ACOT7: variants seen among roughly 807,000 people sequenced by gnomAD.
ACOT7 encodes acyl-CoA thioesterase 7, also known as cytosolic acyl coenzyme A thioester hydrolase.
A neutral mutation model predicts 40.2 loss-of-function variants in ACOT7; 12 were observed. The observed-to-expected ratio is 0.30, with a 90% CI of 0.19 to 0.48. The LOEUF is 0.48. Among genes scored for constraint, ACOT7 ranks in the 20% least tolerant of loss-of-function variants. The pLI, the probability that ACOT7 is intolerant of heterozygous loss-of-function variation, is 0.99. For missense variants in ACOT7, 395 were observed against 530.8 expected (o/e 0.74, Z 2.51); for synonymous variants, 228 against 219.5 (o/e 1.04, Z -0.34).
intron 1 of ACOT7, among the ~76,000 whole-genome samples, chr1:6,362,077 T>C (rs939494924): frequency 3.3e-5 from 5 of 152,234 alleles, no homozygotes; most frequent in Admixed American, 6.5e-5. Context: ...GTCTGGTTTC[T>C]ACTTTTCTGG....
At chr1:6,309,318 G>T (rs1036648585) in intron 6 of ACOT7, among the ~76,000 whole-genome samples, 1 of 152,208 alleles carries the variant, frequency 6.6e-6, no homozygotes, top group South Asian at 2.1e-4. Context: ...TAAAGACTTG[G>T]ATTTGGGGGA....
chr1:6,325,126 C>G (rs1039755757), intron 5 of ACOT7, among the ~76,000 whole-genome samples: 1 of 152,236 alleles, frequency 6.6e-6, no homozygotes, highest in Non-Finnish European at 1.5e-5. Flanking sequence ...CAGCCGGGCG[C>G]AGTGGCTCAC....
intron 7 of ACOT7, among the ~76,000 whole-genome samples, chr1:6,291,757 G>A (rs1307893665): frequency 1.3e-5 from 2 of 151,992 alleles, no homozygotes; most frequent in Non-Finnish European, 2.9e-5. Context: ...GGTGTACAGC[G>A]GCCCCAGCAG....
At position 6,313,838 on chromosome 1, in the gene ACOT7, T is replaced by C. The variant is rs562009486; in HGVS notation, c.712+4654A>G. On this transcript the variant is annotated intron_variant, in intron 6 of 8. Coordinates refer to ENST00000361521, the MANE Select transcript of ACOT7 (RefSeq NM_007274.4). ...AAAAAAAAAAAGAAAAAGTCCTCTC[T>C]CTTGTTGAAGCCAAGCTGTCTGGGT... 5.9e-5 allele frequency among the ~76,000 whole-genome samples: 9 copies of C among 152,120 alleles called. No homozygotes were observed. In the East Asian group the frequency reaches 7.7e-4, roughly 13 times the overall value.
chr1:6,322,759 T>A (rs1171599213), intron 5 of ACOT7, among the ~76,000 whole-genome samples: 1 of 152,270 alleles, frequency 6.6e-6, no homozygotes, highest in African/African-American at 2.4e-5. Flanking sequence ...TCTGAGGGAC[T>A]CAGGGTCAGG....
intron 2 of ACOT7, among the ~76,000 whole-genome samples, chr1:6,349,460 G>C (rs1641524680): frequency 6.6e-6 from 1 of 152,246 alleles, no homozygotes; most frequent in African/African-American, 2.4e-5. Context: ...TTCTGATCAG[G>C]GCCAGGTTGG....
At position 6,338,884 on chromosome 1, in the gene ACOT7, C is replaced by T. The variant is rs927103215; in HGVS notation, c.418+549G>A. On this transcript the variant is annotated intron_variant, in intron 3 of 8. Coordinates refer to ENST00000361521, the MANE Select transcript of ACOT7 (RefSeq NM_007274.4). The surrounding 1 kb of genome is among the most constrained non-coding windows in gnomAD (Gnocchi z 4.4). ...TGGAGCCGCCCCCTCCTGCAGCGCC[C>T]AGTGGGAAGGGGAAGGGGGTTTCCA... is the stretch of plus-strand genomic sequence containing the variant. Among the ~76,000 whole-genome samples, 3 of 152,152 alleles carry T rather than the reference C, an allele frequency of 2.0e-5. No homozygotes were observed. Among genetic ancestry groups the T allele is most frequent in the African/African-American group, 7.2e-5 (3 of 41,440 alleles).
At position 6,299,893 on chromosome 1, in the gene ACOT7, C is replaced by T. The variant is rs941713877; in HGVS notation, c.713-4913G>A. ...ATTTCCCACAGACCAACTCTAAATA[C>T]TGCCCTGGGCAGCCAACAGAAGCTC... On this transcript the variant is annotated intron_variant, in intron 6 of 8. Transcript: ENST00000361521. The surrounding 1 kb of genome is among the most constrained non-coding windows in gnomAD (Gnocchi z 4.1). Among the ~76,000 whole-genome samples, 6 of 152,220 alleles carry T rather than the reference C, an allele frequency of 3.9e-5. No individual in the cohort carries two copies. The highest frequency in any genetic ancestry group is 7.3e-5 in the Non-Finnish European group (5 of 68,036).
intron 1 of ACOT7, among the ~76,000 whole-genome samples, chr1:6,364,088 A>C (rs112069888): frequency 0.08 from 12,181 of 152,164 alleles, 534 homozygotes; most frequent in Non-Finnish European, 0.097. Context: ...GCAGTGACTC[A>C]CACCTGTAAT....
intron 8 of ACOT7, among the ~76,000 whole-genome samples, chr1:6,267,108 C>T (rs1319922625): frequency 6.6e-6 from 1 of 152,158 alleles, no homozygotes. Context: ...TCCTTGAAAG[C>T]AGGAGAGAGC....
intron 6 of ACOT7, among the ~76,000 whole-genome samples, chr1:6,308,909 G>A (rs192409238): frequency 1.5e-4 from 23 of 152,318 alleles, no homozygotes; most frequent in Admixed American, 1.3e-3. Context: ...CATAGCTGGC[G>A]CAGTCAGTGG....
intron 2 of ACOT7, among the ~76,000 whole-genome samples, chr1:6,342,269 A>G (rs1170340808): frequency 3.3e-5 from 5 of 152,064 alleles, no homozygotes; most frequent in African/African-American, 1.2e-4. Flanking sequence ...TCATGAAGAC[A>G]TTGATCTCAT....
At chr1:6,340,132 AT>A (rs1004826394) in intron 2 of ACOT7, among the ~76,000 whole-genome samples, 3 of 151,806 alleles carry the variant, frequency 2.0e-5, no homozygotes, top group Non-Finnish European at 4.4e-5. Context: ...TGCCCGGCTA[AT>A]TTTTTTGTAT....
rs1639154590 is a variant in ACOT7 at position 6,275,238 on chromosome 1, C to T, written c.1014+5864G>A. Among the ~76,000 whole-genome samples, 1 of 152,250 alleles carries T rather than the reference C, an allele frequency of 6.6e-6. No individual in the cohort carries two copies. The highest frequency in any genetic ancestry group is 6.5e-5 in the Admixed American group (1 of 15,286). On this transcript the variant is annotated intron_variant, in intron 8 of 8. Coordinates refer to ENST00000361521, the MANE Select transcript of ACOT7 (RefSeq NM_007274.4). The surrounding 1 kb of genome is among the most constrained non-coding windows in gnomAD (Gnocchi z 5.6). The stretch of plus-strand genomic sequence containing the variant: ...CAGCCTCTGCATCCAGCTGCCCTGG[C>T]TTCCTAACCAGAAAACAAACCTGCT...
At chr1:6,329,080 T>A (rs2148432916) in intron 4 of ACOT7, among the ~76,000 whole-genome samples, 1 of 152,392 alleles carries the variant, frequency 6.6e-6, no homozygotes, top group Middle Eastern at 3.4e-3. Context: ...CTCGGCCGCC[T>A]GTTGAAGCCC....
At chr1:6,332,286 T>A (rs116042057) in intron 4 of ACOT7, among the ~76,000 whole-genome samples, 4,185 of 152,306 alleles carry the variant, frequency 0.027, 205 homozygotes, top group African/African-American at 0.095. Context: ...CTGGGGGCTG[T>A]GGCCTGTGGA....
chr1:6,269,148 T>G (rs1028016020), intron 8 of ACOT7, among the ~76,000 whole-genome samples: 5 of 152,346 alleles, frequency 3.3e-5, no homozygotes, highest in Admixed American at 1.3e-4. Context: ...ACAGACAGGC[T>G]GAGTAACTTG....
chr1:6,363,277 G>A (rs1010256225), intron 1 of ACOT7, among the ~76,000 whole-genome samples: 2 of 152,180 alleles, frequency 1.3e-5, no homozygotes, highest in Non-Finnish European at 2.9e-5. Flanking sequence ...GAAGACGCCC[G>A]TTGCCAGGCA....
intron 1 of ACOT7, among the ~76,000 whole-genome samples, chr1:6,367,086 C>A (rs190650216): frequency 6.6e-6 from 1 of 151,840 alleles, no homozygotes; most frequent in Admixed American, 6.6e-5. Flanking sequence ...GTAGTCCCAG[C>A]TACTCGGGAG....
Sources: allele counts gnomAD v4.1 joint callset (sites outside exome capture counted in the v4.1 genomes callset), GRCh38; gene constraint gnomAD v4.1.1; non-coding constraint Gnocchi (gnomAD v3.1); transcripts MANE v1.5; gene names NCBI Gene and HGNC (gene_info 2026-07-23, HGNC 2026-07-21).